TBC1D21: variants seen among roughly 807,000 people sequenced by gnomAD.
TBC1D21 encodes male germ cell Rab GTPase-activating protein.
In TBC1D21, 38 loss-of-function variants were observed where a neutral mutation model predicts 46.0. That is an observed-to-expected ratio of 0.83 (90% CI 0.64 to 1.08). The LOEUF is 1.08. Ranked by LOEUF, TBC1D21 falls within the 50% of genes least tolerant of loss-of-function variation. TBC1D21 has a pLI of 0.00. For missense variants in TBC1D21, 415 were observed against 417.9 expected, an observed-to-expected ratio of 0.99 and a Z score of 0.06; for synonymous variants, 151 against 157.2, an observed-to-expected ratio of 0.96 and a Z score of 0.29.
At position 73,873,670 on chromosome 15, in the gene TBC1D21, T is replaced by C; in HGVS notation, c.-40T>C. The C allele has an allele frequency of 6.3e-7, 1 of 1,581,484 alleles. No individual in the cohort carries two copies. The highest frequency in any genetic ancestry group is 8.6e-7 in the Non-Finnish European group (1 of 1,160,612). On this transcript the variant is annotated 5_prime_UTR_variant, in exon 1 of 11. Coordinates refer to ENST00000300504, the MANE Select transcript of TBC1D21 (RefSeq NM_153356.3). ...GATTAAGCATCACTAGGGCTCCAAG[T>C]GAGTTCTGATCAGAGGCTGTTCGGA...
chr15:73,887,590 G>A, intron 8 of TBC1D21, 30 bp from the exon 9 acceptor site: 1 of 1,601,052 alleles, frequency 6.2e-7, no homozygotes, highest in Non-Finnish European at 8.6e-7. Context: ...TCAGACCACA[G>A]GGCCCAGACT....
At chr15:73,885,137 C>A in intron 6 of TBC1D21, 34 bp downstream of exon 6, 1 of 1,571,954 alleles carries the variant, frequency 6.4e-7, no homozygotes, top group South Asian at 1.1e-5. Context: ...GGACGCCCCT[C>A]CCCAACCCCC....
chr15:73,886,717 T>C (rs2068253965), intron 8 of TBC1D21, 105 bp downstream of exon 8: 3 of 1,092,106 alleles, frequency 2.7e-6, no homozygotes, highest in African/African-American at 1.5e-5. Flanking sequence ...TTGGATGGAG[T>C]TCAGTATCTC....
At chr15:73,888,029 T>C (rs542490216) in intron 9 of TBC1D21, among the ~76,000 whole-genome samples, 14 of 152,212 alleles carry the variant, frequency 9.2e-5, no homozygotes, top group Non-Finnish European at 1.8e-4. Flanking sequence ...TATTAAGCTC[T>C]ACCATCTCGC....
Position 73,886,193 on chromosome 15 carries a change from C to T in TBC1D21, c.676+19C>T. 1 of 1,609,062 alleles carries T rather than the reference C, an allele frequency of 6.2e-7. No individual in the cohort carries two copies. The highest frequency in any genetic ancestry group is 1.7e-5 in the Admixed American group (1 of 60,006). ...CACCTAAGTGAGTGGTTCCCACCTC[C>T]TGCCACCTCACGCACCCCCCAGGCA... On this transcript the variant is annotated intron_variant, in intron 7 of 10. Coordinates refer to ENST00000300504, the MANE Select transcript of TBC1D21 (RefSeq NM_153356.3).
the TBC1D21 span, among the ~76,000 whole-genome samples, chr15:73,905,701 C>T: frequency 6.6e-6 from 1 of 152,188 alleles, no homozygotes; most frequent in African/African-American, 2.4e-5. Context: ...ATTCACCTCC[C>T]ATTCTCCCAC....
chr15:73,906,111 C>T, the TBC1D21 span, among the ~76,000 whole-genome samples: 1 of 152,206 alleles, frequency 6.6e-6, no homozygotes, highest in Non-Finnish European at 1.5e-5. Flanking sequence ...GCTGCTCACA[C>T]TCAAGAGTCC....
chr15:73,877,642 G>T (rs1021204092), intron 1 of TBC1D21, among the ~76,000 whole-genome samples: 6 of 150,778 alleles, frequency 4.0e-5, no homozygotes, highest in African/African-American at 1.5e-4. Context: ...AATGATTCTT[G>T]TGAACATGGA....
chr15:73,873,622 G>A lies in TBC1D21; in HGVS notation c.-88G>A. On this transcript the variant is annotated 5_prime_UTR_variant, in exon 1 of 11. Coordinates refer to ENST00000300504, the MANE Select transcript of TBC1D21 (RefSeq NM_153356.3). ...GTCAGGAGCAGCCAGTTCCTCCTGG[G>A]AATGCAACCCATCTCCGAAAAGGAT... 6.9e-7 allele frequency: 1 copy of A among 1,455,762 alleles called. No individual in the cohort carries two copies. Among genetic ancestry groups the A allele is most frequent in the Non-Finnish European group, 9.4e-7 (1 of 1,062,604 alleles). 90.2% of individuals were successfully genotyped at this position (1,455,762 alleles called of 1,614,324 possible).
chr15:73,898,880 A>AATATATATAT, the TBC1D21 span, among the ~76,000 whole-genome samples: 15 of 56,790 alleles, frequency 2.6e-4, 1 homozygote, highest in African/African-American at 6.4e-4. Flanking sequence ...AAAAAAAAAA[A>AATATATATAT]ATATATATAT....
chr15:73,887,227 A>T (rs2068264454), intron 8 of TBC1D21, among the ~76,000 whole-genome samples: 2 of 152,188 alleles, frequency 1.3e-5, no homozygotes, highest in South Asian at 4.1e-4. Context: ...GCCCAAGTCC[A>T]TGACCACACC....
At chr15:73,907,558 G>T in the TBC1D21 span, among the ~76,000 whole-genome samples, 10 of 152,040 alleles carry the variant, frequency 6.6e-5, no homozygotes, top group African/African-American at 2.4e-4. Flanking sequence ...TCTCATTTTT[G>T]CTCAGGCTAA....
intron 3 of TBC1D21, among the ~76,000 whole-genome samples, chr15:73,882,206 C>A (rs1394886144): frequency 6.6e-6 from 1 of 152,166 alleles, no homozygotes; most frequent in Non-Finnish European, 1.5e-5. Flanking sequence ...GTACAAAACC[C>A]AGTATGGGCT....
intron 3 of TBC1D21, among the ~76,000 whole-genome samples, chr15:73,883,645 G>A (rs1411965086): frequency 6.6e-6 from 1 of 152,196 alleles, no homozygotes; most frequent in African/African-American, 2.4e-5. Context: ...TCCCCCACAT[G>A]GTTACATTCA....
the TBC1D21 span, among the ~76,000 whole-genome samples, chr15:73,901,718 T>C: frequency 6.6e-6 from 1 of 152,210 alleles, no homozygotes; most frequent in Non-Finnish European, 1.5e-5. Context: ...TTTCTCATGT[T>C]ACTCCAACCT....
intron 10 of TBC1D21, 24 bp downstream of exon 10, chr15:73,888,537 CTCCTCCTCCTCTTCCTCCTCCTCCTCT>C (rs2068292963): frequency 6.9e-7 from 1 of 1,444,838 alleles, no homozygotes; most frequent in African/African-American, 2.2e-5. Context: ...ATGATGTGTC[CTCCTCCTCCTCTTCCTCCTCCTCCTCT>C]TCCTCCTCCT....
At chr15:73,899,482 G>A in the TBC1D21 span, among the ~76,000 whole-genome samples, 2 of 152,290 alleles carry the variant, frequency 1.3e-5, no homozygotes, top group East Asian at 1.9e-4. Context: ...CTGTGCTTCC[G>A]CTCTGTGTGA....
chr15:73,886,101 T>C lies in TBC1D21; in HGVS notation c.603T>C (p.Ile201=). 6.2e-7 allele frequency: 1 copy of C among 1,614,166 alleles called. No homozygotes were observed. The highest frequency in any genetic ancestry group is 1.6e-4 in the Middle Eastern group (1 of 6,062). Residue 201 remains isoleucine (I), a synonymous_variant, in exon 7 of 11, where the codon ATT becomes ATC. Transcript: ENST00000300504. ...QKTEHSCVIN[I]GVAKNLDMLS... ...AGGAACACAGCTGTGTCATCAACATTGGCGTGGCCAAGAACCTAGACATGC... is the reference window on the plus strand; with the variant it reads ...AGGAACACAGCTGTGTCATCAACATCGGCGTGGCCAAGAACCTAGACATGC...
At chr15:73,900,439 T>A in the TBC1D21 span, among the ~76,000 whole-genome samples, 2 of 152,170 alleles carry the variant, frequency 1.3e-5, no homozygotes, top group East Asian at 3.9e-4. Context: ...TGAGTCATAC[T>A]TGAAAACCAC....
Sources: allele counts gnomAD v4.1 joint callset (sites outside exome capture counted in the v4.1 genomes callset), GRCh38; gene constraint gnomAD v4.1.1; transcripts MANE v1.5; gene names NCBI Gene and HGNC (gene_info 2026-07-23, HGNC 2026-07-21).